The following M1AP variants were observed in gnomAD, a reference collection of about 807,000 sequenced individuals.
M1AP encodes meiosis 1 associated protein.
Under a neutral mutation model 51.2 loss-of-function variants are expected in M1AP, and 39 were observed. That is an observed-to-expected ratio of 0.76 (90% CI 0.59 to 1.00). The LOEUF is 1.00. M1AP is among the 50% of genes least tolerant of loss of function. The pLI, the probability that M1AP is intolerant of heterozygous loss-of-function variation, is 0.00. For missense variants in M1AP, 545 were observed against 641.2 expected, an observed-to-expected ratio of 0.85 and a Z score of 1.62; for synonymous variants, 251 against 249.2, an observed-to-expected ratio of 1.01 and a Z score of -0.07.
chr2:74,600,775 T>G (rs533689728), intron 4 of M1AP, among the ~76,000 whole-genome samples: 1 of 152,308 alleles, frequency 6.6e-6, no homozygotes, highest in African/African-American at 2.4e-5. Context: ...ATTATATACA[T>G]GAATTATAAC....
At chr2:74,585,851 G>A (rs1679676809) in intron 4 of M1AP, among the ~76,000 whole-genome samples, 1 of 152,112 alleles carries the variant, frequency 6.6e-6, no homozygotes, top group South Asian at 2.1e-4. Context: ...CTTCTTAACT[G>A]TCCTAGCAAA....
At chr2:74,594,819 C>T (rs1400603946) in intron 4 of M1AP, among the ~76,000 whole-genome samples, 1 of 152,052 alleles carries the variant, frequency 6.6e-6, no homozygotes, top group Non-Finnish European at 1.5e-5. Flanking sequence ...AGAGAGGCTG[C>T]GGTGAATTGT....
At chr2:74,608,351 A>T (rs191650783) in intron 3 of M1AP, among the ~76,000 whole-genome samples, 1 of 152,170 alleles carries the variant, frequency 6.6e-6, no homozygotes, top group South Asian at 2.1e-4. Flanking sequence ...AGCCTTTTCA[A>T]ATTGGCTTCT....
chr2:74,645,027 A>G (rs1370635688), intron 1 of M1AP, among the ~76,000 whole-genome samples: 2 of 152,124 alleles, frequency 1.3e-5, no homozygotes, highest in Admixed American at 6.5e-5. Context: ...GCTCTTTGCA[A>G]TAAATCTTGC....
intron 4 of M1AP, among the ~76,000 whole-genome samples, chr2:74,594,501 C>A (rs1308458693): frequency 6.6e-6 from 1 of 151,850 alleles, no homozygotes; most frequent in African/African-American, 2.4e-5. Context: ...AATTGAAGTC[C>A]TAGAAAGATA....
At chr2:74,567,832 A>G (rs1433951075) in intron 7 of M1AP, among the ~76,000 whole-genome samples, 1 of 152,248 alleles carries the variant, frequency 6.6e-6, no homozygotes, top group African/African-American at 2.4e-5. Context: ...CATATTTTTC[A>G]GAAAAGACTG....
chr2:74,624,660 C>T (rs1165998297), intron 2 of M1AP, among the ~76,000 whole-genome samples: 6 of 152,156 alleles, frequency 3.9e-5, no homozygotes, highest in Non-Finnish European at 8.8e-5. Flanking sequence ...GTTTTGAATA[C>T]ATACATTCAT....
chr2:74,641,932 G>A (rs1423662538), intron 1 of M1AP, among the ~76,000 whole-genome samples: 4 of 150,472 alleles, frequency 2.7e-5, no homozygotes, highest in East Asian at 2.0e-4. Flanking sequence ...TGCAACCTCC[G>A]CCTCCCGGGT....
intron 2 of M1AP, among the ~76,000 whole-genome samples, chr2:74,629,478 C>T (rs1012149708): frequency 2.0e-5 from 3 of 152,132 alleles, no homozygotes; most frequent in South Asian, 2.1e-4. Context: ...ATAGGCTGGG[C>T]GCGGTGGCTC....
At chr2:74,573,894 T>C (rs921059728) in intron 7 of M1AP, among the ~76,000 whole-genome samples, 1 of 152,210 alleles carries the variant, frequency 6.6e-6, no homozygotes, top group African/African-American at 2.4e-5. Flanking sequence ...AAGAATGTAT[T>C]GAAGCCACCT....
intron 2 of M1AP, among the ~76,000 whole-genome samples, chr2:74,638,336 C>T (rs1459755358): frequency 6.6e-6 from 1 of 152,172 alleles, no homozygotes; most frequent in African/African-American, 2.4e-5. Flanking sequence ...CATTGACTTC[C>T]TATCACCCAG....
chr2:74,617,276 C>T (rs1017823567), intron 2 of M1AP, among the ~76,000 whole-genome samples: 1 of 152,194 alleles, frequency 6.6e-6, no homozygotes, highest in Non-Finnish European at 1.5e-5. Flanking sequence ...TCTCAGTGAT[C>T]AGGGCAGTCC....
intron 5 of M1AP, among the ~76,000 whole-genome samples, chr2:74,578,377 A>T (rs527799233): frequency 6.6e-6 from 1 of 152,272 alleles, no homozygotes; most frequent in South Asian, 2.1e-4. Context: ...CATTTACATG[A>T]GGTATTTCTC....
At chr2:74,579,698 A>T (rs1213568849) in intron 5 of M1AP, among the ~76,000 whole-genome samples, 1 of 152,194 alleles carries the variant, frequency 6.6e-6, no homozygotes. Flanking sequence ...CTCTAACCTA[A>T]AAGAGCTCTC....
intron 7 of M1AP, among the ~76,000 whole-genome samples, chr2:74,567,720 G>A (rs900248749): frequency 7.9e-5 from 12 of 152,170 alleles, no homozygotes; most frequent in Non-Finnish European, 1.0e-4. Flanking sequence ...ATAATTCTTA[G>A]ATATAGATCT....
chr2:74,565,209 C>T (rs190098409), intron 7 of M1AP, among the ~76,000 whole-genome samples: 1 of 150,066 alleles, frequency 6.7e-6, no homozygotes, highest in Admixed American at 6.6e-5. Context: ...GGCGACAGAG[C>T]GGGACTCCAT....
At position 74,575,532 on chromosome 2, in the gene M1AP, G is replaced by A. The variant is rs150724944; in HGVS notation, c.980C>T (p.Pro327Leu). The change falls in exon 7 of 11, where the codon CCG (proline) becomes CTG (leucine). Residue 327 changes from proline to leucine, a missense_variant. Coordinates refer to ENST00000421985, the MANE Select transcript of M1AP (RefSeq NM_001321739.2). ...GLCESLTYGLPFILRPTSCWQ... is the reference protein window; with the variant it reads ...GLCESLTYGLLFILRPTSCWQ... ...ACAGCTTGTAGGTCTGAGGATGAAC[G>A]GGAGTCCATATGTCAATGACTCGCA... 23 of 1,614,134 alleles carry A rather than the reference G, an allele frequency of 1.4e-5. No individual in the cohort carries two copies. The highest frequency in any genetic ancestry group is 3.3e-5 in the South Asian group (3 of 91,088).
At chr2:74,641,169 C>T (rs370607522) in intron 1 of M1AP, among the ~76,000 whole-genome samples, 1 of 152,320 alleles carries the variant, frequency 6.6e-6, no homozygotes, top group East Asian at 1.9e-4. Context: ...CCTGTCATTA[C>T]TTAATTGTTA....
intron 3 of M1AP, among the ~76,000 whole-genome samples, chr2:74,609,550 T>C (rs529587290): frequency 1.4e-4 from 22 of 152,324 alleles, no homozygotes; most frequent in African/African-American, 4.8e-4. Flanking sequence ...AACACACTGA[T>C]TTCATTTCCT....
Sources: allele counts gnomAD v4.1 joint callset (sites outside exome capture counted in the v4.1 genomes callset), GRCh38; gene constraint gnomAD v4.1.1; transcripts MANE v1.5; gene names NCBI Gene and HGNC (gene_info 2026-07-23, HGNC 2026-07-21).